The following JAKMIP1 variants were observed in gnomAD, a reference collection of about 807,000 sequenced individuals.
The protein encoded by JAKMIP1 is janus kinase and microtubule interacting protein 1, also known as janus kinase and microtubule-interacting protein 1.
JAKMIP1 carries 33 observed loss-of-function variants against 113.0 expected under a neutral mutation model. The ratio of observed to expected loss-of-function variants is 0.29; its 90% CI spans 0.22 to 0.39. The LOEUF (loss-of-function observed/expected upper bound fraction) is 0.39. Among genes scored for constraint, JAKMIP1 ranks in the 10% least tolerant of loss-of-function variants. The probability of loss-of-function intolerance (pLI) is 1.00; values close to 1 mark genes in which losing one functional copy is unlikely to be tolerated. For synonymous variants in JAKMIP1, 480 were observed against 459.9 expected (o/e 1.04, Z -0.56); for missense variants, 813 against 1,080.5 (o/e 0.75, Z 3.47).
chr4:6,105,992 CGGTCAGGGTCAGGGTCAG>C (rs557350431), intron 2 of JAKMIP1, 25 bp from the exon 3 acceptor site: 16 of 1,502,632 alleles, frequency 1.1e-5, no homozygotes, highest in Middle Eastern at 1.8e-4. Context: ...GCGAGAGAGC[CGGTCAGGGTCAGGGTCAG>C]GGTCAGGGTC....
At chr4:6,145,501 A>C (rs966224295) in intron 1 of JAKMIP1, among the ~76,000 whole-genome samples, 5 of 152,186 alleles carry the variant, frequency 3.3e-5, no homozygotes, top group African/African-American at 1.2e-4. Context: ...CTAAAAAAAA[A>C]AATTACCATA....
intron 19 of JAKMIP1, among the ~76,000 whole-genome samples, 159 bp from the exon 20 acceptor site, chr4:6,029,940 C>T (rs955291029): frequency 5.3e-5 from 8 of 152,150 alleles, no homozygotes; most frequent in Non-Finnish European, 7.4e-5. Context: ...ATGTCACCAC[C>T]GCCCAAAGCA....
intron 16 of JAKMIP1, among the ~76,000 whole-genome samples, chr4:6,045,825 G>A (rs563636700): frequency 1.1e-4 from 16 of 152,216 alleles, no homozygotes; most frequent in African/African-American, 3.4e-4. Flanking sequence ...AGCTGAGATC[G>A]TGCCACTGCA....
rs948989737 is a variant in JAKMIP1, at chr4:6,141,682, T to C, written c.-147-28685A>G. On this transcript the variant is annotated intron_variant, in intron 1 of 20. Coordinates refer to ENST00000409021, the MANE Select transcript of JAKMIP1 (RefSeq NM_001099433.2). This position sits in a 1 kb window ranked among gnomAD's most constrained non-coding sequence, Gnocchi z 9.4. ...AACTTGCCGGTAGCTGGCCCAGCCC[T>C]GGTCCACAGAAGCCAGGTGGAGAAA... is the stretch of plus-strand genomic sequence containing the variant. Among the ~76,000 whole-genome samples the C allele has an allele frequency of 3.3e-5, 5 of 152,212 alleles. No individual in the cohort carries two copies. Among genetic ancestry groups the C allele is most frequent in the Admixed American group, 1.3e-4 (2 of 15,286 alleles).
At chr4:6,079,316 G>C (rs528477295) in intron 7 of JAKMIP1, among the ~76,000 whole-genome samples, 3 of 152,202 alleles carry the variant, frequency 2.0e-5, no homozygotes, top group Admixed American at 2.0e-4. Context: ...GAAAGAATGG[G>C]TGAGTGGATG....
chr4:6,132,571 T>G (rs1163915646), intron 1 of JAKMIP1, among the ~76,000 whole-genome samples: 1 of 150,122 alleles, frequency 6.7e-6, no homozygotes, highest in East Asian at 2.0e-4. Context: ...GAATCTGGGA[T>G]GTGGAGGTTG....
In JAKMIP1 at chr4:6,076,037, G is replaced by A. The variant is rs746978964; in HGVS notation, c.1302+2902C>T. Among the ~76,000 whole-genome samples the A allele has an allele frequency of 5.9e-5, 9 of 152,152 alleles. No homozygotes were observed. The highest frequency in any genetic ancestry group is 1.0e-4 in the Non-Finnish European group (7 of 68,024). On this transcript the variant is annotated intron_variant, in intron 8 of 20. Transcript: ENST00000409021. This position sits in a 1 kb window ranked among gnomAD's most constrained non-coding sequence, Gnocchi z 4.8. ...ACTAAAAATACAAAATTAGCCAGGC[G>A]TGGTGGCACATGCCTGTAATCTCGG...
Position 6,110,632 on chromosome 4 carries a change from G to A in JAKMIP1, c.129+2090C>T, listed in dbSNP as rs181100671. ...AGGTCACCCTGATGGTCATGTGAGC[G>A]TATGACAGGCAGCACCCAGGCCCTG... On this transcript the variant is annotated intron_variant, in intron 2 of 20. Coordinates refer to ENST00000409021, the MANE Select transcript of JAKMIP1 (RefSeq NM_001099433.2). 3.5e-5 allele frequency among the ~76,000 whole-genome samples: 5 copies of A among 143,050 alleles called. No individual in the cohort carries two copies. In the South Asian group the frequency reaches 8.8e-4, roughly 25 times the overall value. 93.8% of individuals were successfully genotyped at this position (143,050 alleles called of 152,430 possible). A position where few individuals can be genotyped will look rare whatever the true frequency, so the allele number is the denominator to read the frequency against.
Position 6,186,389 on chromosome 4 carries a change from G to A in JAKMIP1, c.-148+13864C>T, listed in dbSNP as rs1210176127. Among the ~76,000 whole-genome samples the A allele has an allele frequency of 6.6e-6, 1 of 152,214 alleles. No homozygotes were observed. Among genetic ancestry groups the A allele is most frequent in the Non-Finnish European group, 1.5e-5 (1 of 68,038 alleles). On this transcript the variant is annotated intron_variant, in intron 1 of 20. Coordinates refer to ENST00000409021, the MANE Select transcript of JAKMIP1 (RefSeq NM_001099433.2). The surrounding 1 kb of genome is among the most constrained non-coding windows in gnomAD (Gnocchi z 5.5). Reference sequence around the variant, plus strand: ...CAAAGGCAAGTGAAGGGGCAAGCAGGAGTGATGGAGGATGAGACAGGAAGG... The same window carrying A: ...CAAAGGCAAGTGAAGGGGCAAGCAGAAGTGATGGAGGATGAGACAGGAAGG...
intron 19 of JAKMIP1, among the ~76,000 whole-genome samples, chr4:6,035,434 C>T (rs572226192): frequency 6.6e-6 from 1 of 152,272 alleles, no homozygotes; most frequent in Non-Finnish European, 1.5e-5. Context: ...AAGCCCTCAG[C>T]TCCCCATGTG....
intron 1 of JAKMIP1, among the ~76,000 whole-genome samples, chr4:6,123,176 A>G (rs114543241): frequency 1.3e-5 from 2 of 152,236 alleles, no homozygotes; most frequent in Non-Finnish European, 1.5e-5. Flanking sequence ...GAGGTTGTAC[A>G]GTCCCGTGGA....
At position 6,066,016 on chromosome 4, in the gene JAKMIP1, C is replaced by T. The variant is rs571032323; in HGVS notation, c.1303-1008G>A. ...TTTGGGTTTTTTTTTCCCAAACAGC[C>T]CCCGACAAGGATTTTTATTTGTTTT... On this transcript the variant is annotated intron_variant, in intron 8 of 20. Transcript: ENST00000409021. 9.2e-5 allele frequency among the ~76,000 whole-genome samples: 14 copies of T among 152,194 alleles called. No individual in the cohort carries two copies. In the South Asian group the frequency reaches 1.9e-3, roughly 20 times the overall value.
rs753141379 is a variant in JAKMIP1, at chr4:6,199,027, G to A, written c.-148+1226C>T. Among the ~76,000 whole-genome samples, 6 of 152,262 alleles carry A rather than the reference G, an allele frequency of 3.9e-5. No homozygotes were observed. Among genetic ancestry groups the A allele is most frequent in the Non-Finnish European group, 8.8e-5 (6 of 68,050 alleles). On this transcript the variant is annotated intron_variant, in intron 1 of 20. Coordinates refer to ENST00000409021, the MANE Select transcript of JAKMIP1 (RefSeq NM_001099433.2). This position sits in a 1 kb window ranked among gnomAD's most constrained non-coding sequence, Gnocchi z 5.6. ...AGGCAGAGGCCATCAGATGGTAACA[G>A]CATCCTGGGACAGCGCCACGTTCCA...
intron 3 of JAKMIP1, among the ~76,000 whole-genome samples, chr4:6,098,568 A>AAGAAAG (rs1553831669): frequency 0.016 from 561 of 35,404 alleles, 11 homozygotes; most frequent in African/African-American, 0.044. Flanking sequence ...GAAAGAAAGA[A>AAGAAAG]AGAAAGAAAG....
chr4:6,132,733 A>G (rs941266027), intron 1 of JAKMIP1, among the ~76,000 whole-genome samples: 2 of 152,166 alleles, frequency 1.3e-5, no homozygotes, highest in Non-Finnish European at 2.9e-5. Context: ...AATAGTAACA[A>G]ATACTATAGA....
intron 3 of JAKMIP1, among the ~76,000 whole-genome samples, chr4:6,098,670 G>GAGAA (rs757166386): frequency 0.019 from 1,956 of 100,376 alleles, 29 homozygotes; most frequent in African/African-American, 0.042. Flanking sequence ...AAGAAAGAGA[G>GAGAA]AGAAAGAAAG....
rs1259956762 is a variant in JAKMIP1, at chr4:6,106,548, C to G, written c.130-581G>C. Among the ~76,000 whole-genome samples the G allele has an allele frequency of 6.6e-6, 1 of 151,776 alleles. No homozygotes were observed. Among genetic ancestry groups the G allele is most frequent in the African/African-American group, 2.4e-5 (1 of 41,244 alleles). ...CTCTTTCTCCCTCTCTCCTCTCTCT[C>G]TCTCTCTCTTCCTCTCTCTCTCCTC... On this transcript the variant is annotated intron_variant, in intron 2 of 20. Transcript: ENST00000409021. This position sits in a 1 kb window ranked among gnomAD's most constrained non-coding sequence, Gnocchi z 5.9.
rs754965522 is a variant in JAKMIP1, at chr4:6,085,584, T to C, written c.670A>G (p.Lys224Glu). 1 of 1,614,186 alleles carries C rather than the reference T, an allele frequency of 6.2e-7. No individual in the cohort carries two copies. Among genetic ancestry groups the C allele is most frequent in the Non-Finnish European group, 8.5e-7 (1 of 1,180,042 alleles). Residue 224 changes from lysine to glutamate, a missense_variant, in exon 4 of 21, where the codon AAG becomes GAG. Lys to Glu is a moderately conservative substitution (Grantham distance 56, BLOSUM62 1). Coordinates refer to ENST00000409021, the MANE Select transcript of JAKMIP1 (RefSeq NM_001099433.2). ...GKDRVILALEKELGVQAGQTQ... is the reference protein window; with the variant it reads ...GKDRVILALEEELGVQAGQTQ... Reference sequence around the variant, plus strand: ...TGCCCAGCCTGCACGCCAAGTTCCTTCTCCAAGGCCAGAATCACACGGTCT... The same window carrying C: ...TGCCCAGCCTGCACGCCAAGTTCCTCCTCCAAGGCCAGAATCACACGGTCT...
Position 6,135,772 on chromosome 4 carries a change from C to T in JAKMIP1, c.-147-22775G>A, listed in dbSNP as rs1719145040. Among the ~76,000 whole-genome samples, 1 of 152,152 alleles carries T rather than the reference C, an allele frequency of 6.6e-6. No homozygotes were observed. Among genetic ancestry groups the T allele is most frequent in the Non-Finnish European group, 1.5e-5 (1 of 68,028 alleles). On this transcript the variant is annotated intron_variant, in intron 1 of 20. Transcript: ENST00000409021. The surrounding 1 kb of genome is among the most constrained non-coding windows in gnomAD (Gnocchi z 4.9). ...CCCAAGCCTTCTAAGGCCCATCCCA[C>T]TGGTTCTTCCCCTAAACCACACTGC...
Sources: gnomAD v4.1 joint callset for allele counts (sites outside exome capture counted in the v4.1 genomes callset) on GRCh38, gnomAD v4.1.1 for gene constraint, Gnocchi (gnomAD v3.1) non-coding constraint, MANE v1.5 for transcripts, NCBI Gene and HGNC (gene_info 2026-07-23, HGNC 2026-07-21) for gene names.